The following RINT1 variants were observed in gnomAD, a reference collection of about 807,000 sequenced individuals.
RINT1 encodes RAD50 interactor 1.
Under a neutral mutation model 97.7 loss-of-function variants are expected in RINT1, and 75 were observed. That is an observed-to-expected ratio of 0.77 (90% CI 0.64 to 0.93). RINT1 has a LOEUF of 0.93. RINT1 is among the 40% of genes least tolerant of loss of function. The probability of loss-of-function intolerance (pLI) is 0.00; values close to 1 mark genes in which losing one functional copy is unlikely to be tolerated. For missense variants in RINT1, 892 were observed against 925.2 expected, an observed-to-expected ratio of 0.96 and a Z score of 0.47; for synonymous variants, 303 against 326.3, an observed-to-expected ratio of 0.93 and a Z score of 0.77.
In RINT1 at chr7:105,542,991, TCTCCTGC is replaced by T; in HGVS notation, c.515+346_515+352del. 2.0e-5 allele frequency among the ~76,000 whole-genome samples: 3 copies of T among 152,028 alleles called. No homozygotes were observed. The South Asian group carries it at 6.2e-4, about 32-fold the overall frequency. ...GCTACACCTCCCGGGTTCATGCCAT[TCTCCTGC>T]CTCAGCCTCCCGAGTAGCTGGGACT... On this transcript the variant is annotated intron_variant, in intron 4 of 14. Coordinates refer to ENST00000257700, the MANE Select transcript of RINT1 (RefSeq NM_021930.6).
In RINT1 at chr7:105,549,350, G is replaced by A. The variant is rs117192185; in HGVS notation, c.996+640G>A. On this transcript the variant is annotated intron_variant, in intron 7 of 14. Transcript: ENST00000257700. ...TGCGTAGTTTTTGTAATGCAGACTA[G>A]CAATTTTTTTTTTTTGGAACGAAGT... Among the ~76,000 whole-genome samples the A allele has an allele frequency of 7.0e-3, 1,064 of 151,240 alleles. 11 individuals are homozygous for A. Among genetic ancestry groups the A allele is most frequent in the Admixed American group, 0.029 (436 of 15,118 alleles).
At chr7:105,557,552 A>G (rs1459729406) in intron 11 of RINT1, among the ~76,000 whole-genome samples, 1 of 152,178 alleles carries the variant, frequency 6.6e-6, no homozygotes, top group East Asian at 1.9e-4. Context: ...GGAAGTCTAG[A>G]AAGCATTAAA....
Position 105,547,261 on chromosome 7 carries a change from G to A in RINT1, c.767G>A (p.Arg256Gln), listed in dbSNP as rs199512216. The A allele has an allele frequency of 1.5e-4, 249 of 1,614,114 alleles. No individual in the cohort carries two copies. The highest frequency in any genetic ancestry group is 2.2e-4 in the Admixed American group (13 of 60,002). Reference sequence around the variant, plus strand: ...CAATCACAAACTGTTGGCTTAAGTCGACCTGCCAGTGCCCCGGAGATATAC... The same window carrying A: ...CAATCACAAACTGTTGGCTTAAGTCAACCTGCCAGTGCCCCGGAGATATAC... ...PPQSQTVGLSRPASAPEIYSY... is the reference protein window; with the variant it reads ...PPQSQTVGLSQPASAPEIYSY... Residue 256 changes from arginine (R) to glutamine (Q), a missense_variant, in exon 6 of 15, where the codon CGA becomes CAA. By Grantham distance (43) the Arg-to-Gln change is conservative. Transcript: ENST00000257700.
rs761878602 is a variant in RINT1, at chr7:105,567,212, C to T, written c.2280C>T (p.Ala760=). 6 of 1,613,132 alleles carry T rather than the reference C, an allele frequency of 3.7e-6. No individual in the cohort carries two copies. Among genetic ancestry groups the T allele is most frequent in the Non-Finnish European group, 5.1e-6 (6 of 1,179,600 alleles). The change falls in exon 15 of 15, where the codon GCC becomes GCT. Residue 760 remains alanine (A), a synonymous_variant. Coordinates refer to ENST00000257700, the MANE Select transcript of RINT1 (RefSeq NM_021930.6). Reference sequence around the variant, plus strand: ...AGTCAGCTTCAGGGCAGCTTCCTGCCACAGCAGCATTAAATGAAGTTGGAA... The same window carrying T: ...AGTCAGCTTCAGGGCAGCTTCCTGCTACAGCAGCATTAAATGAAGTTGGAA... ...VLQSASGQLP[A]TAALNEVGIY...
chr7:105,540,589 G>C (rs796312631), intron 3 of RINT1, among the ~76,000 whole-genome samples: 2 of 152,092 alleles, frequency 1.3e-5, no homozygotes, highest in African/African-American at 4.8e-5. Flanking sequence ...GTAGAGACAG[G>C]GTTTCACCAT....
In RINT1 at chr7:105,542,292, A is replaced by T. The variant is rs960500018; in HGVS notation, c.274-116A>T. 2.2e-5 allele frequency: 16 copies of T among 725,250 alleles called. No individual in the cohort carries two copies. The African/African-American group carries it at 2.5e-4, about 11-fold the overall frequency. The allele number at this position is 725,250 out of a possible 1,614,324, so 44.9% of individuals were successfully genotyped here. A position where few individuals can be genotyped will look rare whatever the true frequency, so the allele number is the denominator to read the frequency against. ...CCAGGCTGCAGTGAGCTATGATGGT[A>T]CCACTGCACTCCAGCCTGGGCAACA... On this transcript the variant is annotated intron_variant, in intron 3 of 14. Transcript: ENST00000257700.
At chr7:105,551,528 T>G (rs750875677) in intron 9 of RINT1, 42 bp from the exon 10 acceptor site, 1 of 1,512,608 alleles carries the variant, frequency 6.6e-7, no homozygotes, top group Admixed American at 2.2e-5. Context: ...TAGGAACGAC[T>G]GTAACTACTT....
chr7:105,553,908 T>A (rs1322177986), intron 10 of RINT1, among the ~76,000 whole-genome samples: 1 of 126,968 alleles, frequency 7.9e-6, no homozygotes, highest in African/African-American at 3.0e-5. Flanking sequence ...TTTTTTTTTT[T>A]TTTTTTTTGA....
chr7:105,566,085 T>C (rs775141796), intron 14 of RINT1, among the ~76,000 whole-genome samples: 3 of 149,270 alleles, frequency 2.0e-5, no homozygotes, highest in Non-Finnish European at 3.0e-5. Flanking sequence ...CTGGCTAACA[T>C]AGTGATACCC....
At chr7:105,546,854 AAC>A in intron 4 of RINT1, 54 bp from the exon 5 acceptor site, 1 of 1,329,418 alleles carries the variant, frequency 7.5e-7, no homozygotes. Flanking sequence ...CAACCTGGGC[AAC>A]AGAGTGAGAC....
intron 3 of RINT1, among the ~76,000 whole-genome samples, chr7:105,539,015 T>G (rs1369779649): frequency 6.6e-6 from 1 of 152,228 alleles, no homozygotes; most frequent in Non-Finnish European, 1.5e-5. Context: ...GTTCTTTCCT[T>G]TGATTGTCAG....
chr7:105,565,086 A>G (rs555035656), intron 12 of RINT1, 191 bp from the exon 13 acceptor site: 49 of 444,934 alleles, frequency 1.1e-4, no homozygotes, highest in Non-Finnish European at 1.7e-4. Flanking sequence ...TCCCCATATT[A>G]AAGAGTATTT....
Position 105,542,444 on chromosome 7 carries a change from C to A in RINT1, c.310C>A (p.Arg104=), listed in dbSNP as rs777242801. 1.2e-6 allele frequency: 2 copies of A among 1,611,268 alleles called. No homozygotes were observed. The highest frequency in any genetic ancestry group is 3.3e-5 in the Admixed American group (2 of 59,938). The stretch of plus-strand genomic sequence containing the variant: ...TTCATCAGAAATTCCTAAAAGAATT[C>A]GAAGTGCCTTAAAAAATGCAGAAGA... ...TISSEIPKRI[R]SALKNAEESK... The change falls in exon 4 of 15, where the codon CGA becomes AGA. Residue 104 remains arginine (R), a synonymous_variant. Transcript: ENST00000257700.
Position 105,557,132 on chromosome 7 carries a change from AAACT to A in RINT1, c.1671+1911_1671+1914del, listed in dbSNP as rs969661980. Among the ~76,000 whole-genome samples, 206 of 152,300 alleles carry A rather than the reference AAACT, an allele frequency of 1.4e-3. 1 individual carries two copies. Among genetic ancestry groups the A allele is most frequent in the African/African-American group, 4.6e-3 (193 of 41,588 alleles). Reference sequence around the variant, plus strand: ...ATAGAATAGACATTAAATATTAAAGAAACTAACTATACGGAATAAATCTGATAAT... The same window carrying A: ...ATAGAATAGACATTAAATATTAAAGAAACTATACGGAATAAATCTGATAAT... On this transcript the variant is annotated intron_variant, in intron 11 of 14. Coordinates refer to ENST00000257700, the MANE Select transcript of RINT1 (RefSeq NM_021930.6).
chr7:105,555,930 G>A (rs1483563797), intron 11 of RINT1, among the ~76,000 whole-genome samples: 2 of 152,112 alleles, frequency 1.3e-5, no homozygotes, highest in East Asian at 3.9e-4. Context: ...TTCATGACCA[G>A]CTGTGCAACA....
intron 9 of RINT1, 90 bp downstream of exon 9, chr7:105,550,576 G>T: frequency 2.2e-6 from 2 of 897,236 alleles, no homozygotes; most frequent in South Asian, 1.6e-5. Flanking sequence ...TTCTAAATAG[G>T]AACTAGAGCC....
At position 105,565,357 on chromosome 7, in the gene RINT1, G is replaced by C. The variant is rs746864752; in HGVS notation, c.1967G>C (p.Arg656Pro). Residue 656 changes from arginine to proline, a missense_variant, in exon 13 of 15, where the codon CGA (arginine) becomes CCA (proline). Arg to Pro is a moderately radical substitution (Grantham distance 103). Transcript: ENST00000257700. ...GCTTGCCCGTTGCTGCTGACGTTAC[G>C]AGACCATTTACTTCAGTTGGAGCAG... is the stretch of plus-strand genomic sequence containing the variant. ...SSACPLLLTL[R>P]DHLLQLEQQL... 1.2e-6 allele frequency: 2 copies of C among 1,614,166 alleles called. No individual in the cohort carries two copies. The highest frequency in any genetic ancestry group is 1.3e-5 in the African/African-American group (1 of 75,038).
chr7:105,537,355 C>T (rs1315144550), intron 3 of RINT1, among the ~76,000 whole-genome samples: 5 of 151,580 alleles, frequency 3.3e-5, no homozygotes, highest in Non-Finnish European at 7.4e-5. Context: ...GTCTTGAACT[C>T]CTGACCGCAG....
chr7:105,538,597 C>T (rs1790337202), intron 3 of RINT1, among the ~76,000 whole-genome samples: 1 of 152,222 alleles, frequency 6.6e-6, no homozygotes, highest in Admixed American at 6.5e-5. Flanking sequence ...AGCAGTCCTT[C>T]CATGGGAACG....
Sources: gnomAD v4.1 joint callset for allele counts (sites outside exome capture counted in the v4.1 genomes callset) on GRCh38, gnomAD v4.1.1 for gene constraint, MANE v1.5 for transcripts, NCBI Gene and HGNC (gene_info 2026-07-23, HGNC 2026-07-21) for gene names.